The following CHD7 variants were observed in gnomAD, a reference collection of about 807,000 sequenced individuals.
The protein encoded by CHD7 is ATP-dependent chromatin remodeler CHD7.
Under a neutral mutation model 307.3 loss-of-function variants are expected in CHD7, and 24 were observed. The ratio of observed to expected loss-of-function variants is 0.08; its 90% CI spans 0.06 to 0.11. The LOEUF (loss-of-function observed/expected upper bound fraction) is 0.11. CHD7 is among the 10% of genes least tolerant of loss of function. The probability of loss-of-function intolerance (pLI) is 1.00; values close to 1 mark genes in which losing one functional copy is unlikely to be tolerated. For synonymous variants in CHD7, 1,363 were observed against 1,349.9 expected, an observed-to-expected ratio of 1.01 and a Z score of -0.21; for missense variants, 3,106 against 3,727.1, an observed-to-expected ratio of 0.83 and a Z score of 4.34.
At position 60,865,264 on chromosome 8, in the gene CHD7, C is replaced by T; in HGVS notation, c.8325C>T (p.Phe2775=). Residue 2775 remains phenylalanine (F), a synonymous_variant, in exon 38 of 38, where the codon TTC becomes TTT. Transcript: ENST00000423902. The surrounding 1 kb of genome is among the most constrained non-coding windows in gnomAD (Gnocchi z 4.3). ...QSLQLAGLMG[F]PPGLATAATA... Reference sequence around the variant, plus strand: ...TCCAGCTGGCAGGCCTCATGGGCTTCCCTCCAGGACTGGCAACAGCTGCCA... The same window carrying T: ...TCCAGCTGGCAGGCCTCATGGGCTTTCCTCCAGGACTGGCAACAGCTGCCA... The T allele has an allele frequency of 6.2e-7, 1 of 1,607,508 alleles. No individual in the cohort carries two copies. The highest frequency in any genetic ancestry group is 1.3e-5 in the African/African-American group (1 of 74,916).
intron 12 of CHD7, among the ~76,000 whole-genome samples, chr8:60,823,165 T>C (rs1804119358): frequency 6.6e-6 from 1 of 152,262 alleles, no homozygotes; most frequent in Admixed American, 6.5e-5. Flanking sequence ...ATATGACACA[T>C]TGAATGAAAC....
intron 2 of CHD7, among the ~76,000 whole-genome samples, chr8:60,745,214 A>G (rs1412595140): frequency 3.3e-5 from 5 of 152,272 alleles, no homozygotes; most frequent in East Asian, 3.9e-4. Context: ...TATTCCCTGG[A>G]AAGTTTCTTA....
At chr8:60,860,837 T>C in intron 34 of CHD7, 67 bp from the exon 35 acceptor site, 1 of 1,187,750 alleles carries the variant, frequency 8.4e-7, no homozygotes, top group Admixed American at 2.2e-5. Context: ...AGCGTTTTCT[T>C]GAAATAGGAC....
intron 19 of CHD7, among the ~76,000 whole-genome samples, chr8:60,839,821 A>G (rs1804890630): frequency 1.3e-5 from 2 of 152,116 alleles, no homozygotes; most frequent in African/African-American, 4.8e-5. Flanking sequence ...TATGTTCTGT[A>G]TGAAGGTTCT....
intron 2 of CHD7, among the ~76,000 whole-genome samples, chr8:60,764,848 T>TA (rs1460567591): frequency 6.6e-6 from 1 of 152,178 alleles, no homozygotes; most frequent in Non-Finnish European, 1.5e-5. Flanking sequence ...AGGAGAAACT[T>TA]ACGCAGACAT....
At chr8:60,798,376 C>T (rs747414349) in intron 4 of CHD7, among the ~76,000 whole-genome samples, 1 of 152,238 alleles carries the variant, frequency 6.6e-6, no homozygotes, top group Admixed American at 6.5e-5. Context: ...AAGTACTTTG[C>T]ACCTCTGTGG....
chr8:60,702,220 G>A (rs1478891347), intron 1 of CHD7, among the ~76,000 whole-genome samples: 4 of 152,162 alleles, frequency 2.6e-5, no homozygotes, highest in African/African-American at 7.2e-5. Flanking sequence ...AGCCCCTAGC[G>A]CAGTGCTCTT....
At chr8:60,823,207 G>C (rs1804121527) in intron 12 of CHD7, among the ~76,000 whole-genome samples, 1 of 152,164 alleles carries the variant, frequency 6.6e-6, no homozygotes, top group Admixed American at 6.5e-5. Flanking sequence ...TGCTTTGGCT[G>C]TTAGTAGCAA....
intron 6 of CHD7, among the ~76,000 whole-genome samples, chr8:60,803,579 T>A (rs1222963093): frequency 7.9e-5 from 12 of 152,216 alleles, no homozygotes; most frequent in African/African-American, 2.4e-4. Context: ...AGAAAATTAA[T>A]GGAAAAAATT....
chr8:60,864,345 C>T (rs908473850), intron 37 of CHD7: 2 of 152,198 alleles, frequency 1.3e-5, no homozygotes, highest in Admixed American at 6.5e-5. Flanking sequence ...GTCTCAGACT[C>T]CTGGGCTCAA....
intron 2 of CHD7, among the ~76,000 whole-genome samples, chr8:60,744,517 T>G (rs1586254898): frequency 7.1e-6 from 1 of 140,438 alleles, no homozygotes; most frequent in African/African-American, 2.7e-5. Flanking sequence ...TGGTGATAAT[T>G]GTCTTCTATG....
intron 11 of CHD7, 83 bp from the exon 12 acceptor site, chr8:60,822,420 A>G (rs1804087547): frequency 6.7e-6 from 9 of 1,344,136 alleles, no homozygotes; most frequent in African/African-American, 1.4e-5. Context: ...ATTTGTGGGT[A>G]CAATGGTATA....
At chr8:60,756,560 C>G (rs1174128745) in intron 2 of CHD7, among the ~76,000 whole-genome samples, 1 of 152,044 alleles carries the variant, frequency 6.6e-6, no homozygotes, top group Non-Finnish European at 1.5e-5. Flanking sequence ...CACCTGTAGC[C>G]CAGCTATCTG....
At chr8:60,833,005 A>G (rs1177547864) in intron 15 of CHD7, among the ~76,000 whole-genome samples, 1 of 152,298 alleles carries the variant, frequency 6.6e-6, no homozygotes, top group East Asian at 1.9e-4. Flanking sequence ...TAGATAACAT[A>G]CAAACTAAGC....
intron 37 of CHD7, 165 bp from the exon 38 acceptor site, chr8:60,864,850 TA>T: frequency 1.4e-6 from 1 of 713,128 alleles, no homozygotes; most frequent in Non-Finnish European, 2.3e-6. Context: ...AACATAATAA[TA>T]AAAACAAGTT....
intron 1 of CHD7, among the ~76,000 whole-genome samples, chr8:60,693,209 G>C (rs11990117): frequency 3.3e-5 from 5 of 152,048 alleles, no homozygotes; most frequent in African/African-American, 9.7e-5. Context: ...CGGTCAGAGC[G>C]CAGTCCCAGG....
In CHD7 at chr8:60,706,213, C is replaced by G. The variant is rs115412851; in HGVS notation, c.-175+27131C>G. On this transcript the variant is annotated intron_variant, in intron 1 of 37. Transcript: ENST00000423902. ...GAGTGATGTAGCAAGCTTGCTGATT[C>G]ATATTTTTTTTGTGTGAAATTATTT... 5.5e-3 allele frequency among the ~76,000 whole-genome samples: 834 copies of G among 152,046 alleles called. 9 individuals carry two copies. Among genetic ancestry groups the G allele is most frequent in the African/African-American group, 0.019 (805 of 41,444 alleles).
chr8:60,680,437 G>T (rs1481694454), intron 1 of CHD7, among the ~76,000 whole-genome samples: 1 of 134,950 alleles, frequency 7.4e-6, no homozygotes, highest in Non-Finnish European at 1.6e-5. Flanking sequence ...GGCGGCTCCC[G>T]GGCGGGGGTG....
At chr8:60,732,566 G>T (rs894982011) in intron 1 of CHD7, among the ~76,000 whole-genome samples, 3 of 152,190 alleles carry the variant, frequency 2.0e-5, no homozygotes, top group African/African-American at 7.2e-5. Context: ...GCTTCTGTGT[G>T]TCAAGTCAGT....
Sources: gnomAD v4.1 joint callset for allele counts (sites outside exome capture counted in the v4.1 genomes callset) on GRCh38, gnomAD v4.1.1 for gene constraint, Gnocchi (gnomAD v3.1) non-coding constraint, MANE v1.5 for transcripts, NCBI Gene and HGNC (gene_info 2026-07-23, HGNC 2026-07-21) for gene names.